Variants in DNAH8 observed in about 807,000 individuals in gnomAD.
The protein encoded by DNAH8 is axonemal beta dynein heavy chain 8.
DNAH8 carries 382 observed loss-of-function variants against 562.1 expected under a neutral mutation model. That is an observed-to-expected ratio of 0.68 (90% CI 0.63 to 0.74). The LOEUF (loss-of-function observed/expected upper bound fraction) is 0.74, where lower values mean the gene tolerates loss of function less well. Among genes scored for constraint, DNAH8 ranks in the 30% least tolerant of loss-of-function variants. DNAH8 has a pLI of 0.00. For synonymous variants in DNAH8, 1,881 were observed against 1,919.4 expected (o/e 0.98, Z 0.52); for missense variants, 5,203 against 5,620.4 (o/e 0.93, Z 2.37).
In DNAH8 at chr6:38,860,560, T is replaced by C. The variant is rs767132184; in HGVS notation, c.6062T>C (p.Val2021Ala). 4.5e-6 allele frequency: 7 copies of C among 1,540,486 alleles called. No homozygotes were observed. The highest frequency in any genetic ancestry group is 6.1e-6 in the Non-Finnish European group (7 of 1,152,464). The change falls in exon 43 of 93, where the codon GTT becomes GCT. Residue 2021 changes from valine (V) to alanine (A), a missense_variant. Coordinates refer to ENST00000327475, the MANE Select transcript of DNAH8 (RefSeq NM_001206927.2). ...CAAACTGTGGTGTCTATTACAGATGTTGATTTTATTTACCAAAATGAATTT... is the reference window on the plus strand; with the variant it reads ...CAAACTGTGGTGTCTATTACAGATGCTGATTTTATTTACCAAAATGAATTT... Reference protein sequence around the residue: ...LDQTVVSITDVDFIYQNEFLG... With the variant: ...LDQTVVSITDADFIYQNEFLG...
At chr6:38,860,419 A>G in intron 42 of DNAH8, 38 bp from the exon 43 acceptor site, 1 of 1,225,656 alleles carries the variant, frequency 8.2e-7, no homozygotes, top group Non-Finnish European at 1.1e-6. Flanking sequence ...TGCTATTGCA[A>G]TTCAGTATAT....
intron 26 of DNAH8, among the ~76,000 whole-genome samples, chr6:38,818,790 G>C (rs1772549146): frequency 6.6e-6 from 1 of 152,208 alleles, no homozygotes; most frequent in African/African-American, 2.4e-5. Flanking sequence ...CTGTATTCTT[G>C]TCTGGACTTT....
chr6:38,921,248 G>T (rs75557326), intron 70 of DNAH8, 121 bp from the exon 71 acceptor site: 1 of 1,172,824 alleles, frequency 8.5e-7, no homozygotes, highest in Non-Finnish European at 1.2e-6. Context: ...CTGAAGACAC[G>T]GAAACAGATG....
At chr6:38,777,028 A>G (rs993187005) in intron 13 of DNAH8, among the ~76,000 whole-genome samples, 1 of 152,226 alleles carries the variant, frequency 6.6e-6, no homozygotes, top group Non-Finnish European at 1.5e-5. Flanking sequence ...TTTAAAAACT[A>G]CATTACACGT....
chr6:39,009,419 C>T (rs1219893100), intron 89 of DNAH8, among the ~76,000 whole-genome samples: 2 of 152,106 alleles, frequency 1.3e-5, no homozygotes, highest in Non-Finnish European at 2.9e-5. Context: ...CCATCTATTC[C>T]ATTGATTTTT....
At position 38,837,921 on chromosome 6, in the gene DNAH8, AT is replaced by A. The variant is rs1338907712; in HGVS notation, c.4366-18del. On this transcript the variant is annotated intron_variant, in intron 32 of 92. Coordinates refer to ENST00000327475, the MANE Select transcript of DNAH8 (RefSeq NM_001206927.2). ...ACTGAATTAATTGTATTTTAGTACA[AT>A]TTAAAAACCTTTGTTACAGGCCAGT... The A allele has an allele frequency of 1.3e-6, 2 of 1,538,526 alleles. No homozygotes were observed. Among genetic ancestry groups the A allele is most frequent in the African/African-American group, 2.7e-5 (2 of 72,990 alleles).
rs562281157 is a variant in DNAH8, at chr6:39,023,440, C to T, written c.13715-3106C>T. ...CCCGGGAGGTGGAGCTTGCAGTGAGCGGAGATCACGCCATTGCACTCCAGC... is the reference window on the plus strand; with the variant it reads ...CCCGGGAGGTGGAGCTTGCAGTGAGTGGAGATCACGCCATTGCACTCCAGC... On this transcript the variant is annotated intron_variant, in intron 91 of 92. Transcript: ENST00000327475. Among the ~76,000 whole-genome samples, 9 of 152,232 alleles carry T rather than the reference C, an allele frequency of 5.9e-5. No homozygotes were observed. In the East Asian group the frequency reaches 1.3e-3, roughly 23 times the overall value.
At chr6:38,723,603 A>C in intron 3 of DNAH8, 132 bp downstream of exon 3, 2 of 1,189,576 alleles carry the variant, frequency 1.7e-6, no homozygotes, top group Admixed American at 2.4e-5. Flanking sequence ...GGCAGGGCAC[A>C]GTGGCTCATG....
chr6:38,881,980 G>A (rs571446030), intron 53 of DNAH8, among the ~76,000 whole-genome samples: 30 of 152,114 alleles, frequency 2.0e-4, no homozygotes, highest in African/African-American at 5.8e-4. Context: ...TTTTACCACC[G>A]GCTGATTTTA....
chr6:38,971,402 C>T (rs147646097), intron 82 of DNAH8, among the ~76,000 whole-genome samples, 190 bp from the exon 83 acceptor site: 2 of 152,222 alleles, frequency 1.3e-5, no homozygotes, highest in East Asian at 3.9e-4. Flanking sequence ...CGGGTGGTGC[C>T]TCCAGGTCTC....
At chr6:38,840,085 A>C (rs1474664592) in intron 33 of DNAH8, among the ~76,000 whole-genome samples, 1 of 152,228 alleles carries the variant, frequency 6.6e-6, no homozygotes, top group African/African-American at 2.4e-5. Context: ...GAATGAGACT[A>C]ACTCCTCATC....
chr6:38,921,937 T>G (rs1781736571), intron 71 of DNAH8, among the ~76,000 whole-genome samples: 1 of 152,000 alleles, frequency 6.6e-6, no homozygotes, highest in South Asian at 2.1e-4. Context: ...GGAGTTGTTC[T>G]CTGGCGGGCA....
At chr6:38,884,598 C>T (rs79522479) in intron 56 of DNAH8, among the ~76,000 whole-genome samples, 1,607 of 152,178 alleles carry the variant, frequency 0.011, 26 homozygotes, top group African/African-American at 0.036. Context: ...CTGTCTCCTA[C>T]GTGGTTTTCT....
intron 14 of DNAH8, among the ~76,000 whole-genome samples, chr6:38,778,859 T>C (rs1768310062): frequency 6.6e-6 from 1 of 152,200 alleles, no homozygotes; most frequent in African/African-American, 2.4e-5. Context: ...CTTTCCATTT[T>C]CCCTCCTGAG....
At chr6:38,743,374 T>A (rs1764677403) in intron 8 of DNAH8, among the ~76,000 whole-genome samples, 1 of 152,192 alleles carries the variant, frequency 6.6e-6, no homozygotes, top group Admixed American at 6.5e-5. Context: ...TCCCCTTTCT[T>A]TTTTTGCAAG....
intron 43 of DNAH8, among the ~76,000 whole-genome samples, chr6:38,861,994 A>G (rs1173045626): frequency 2.0e-5 from 3 of 147,762 alleles, no homozygotes; most frequent in African/African-American, 5.0e-5. Context: ...AACATTTGCC[A>G]GCACAATACT....
chr6:38,825,012 T>C (rs1313150146), intron 28 of DNAH8, among the ~76,000 whole-genome samples: 3 of 152,192 alleles, frequency 2.0e-5, no homozygotes, highest in African/African-American at 7.2e-5. Flanking sequence ...TGGTTAGCAC[T>C]ATGATCCACA....
intron 8 of DNAH8, among the ~76,000 whole-genome samples, chr6:38,742,759 G>A (rs1000425960): frequency 6.6e-6 from 1 of 151,606 alleles, no homozygotes; most frequent in Admixed American, 6.6e-5. Context: ...TGAATAGTAA[G>A]CACAGAAAGA....
intron 82 of DNAH8, among the ~76,000 whole-genome samples, chr6:38,951,976 T>C (rs972039094): frequency 1.4e-4 from 21 of 152,332 alleles, no homozygotes; most frequent in African/African-American, 5.1e-4. Context: ...GTACAGGCAG[T>C]GTGCTAGATC....
Sources: allele counts gnomAD v4.1 joint callset (sites outside exome capture counted in the v4.1 genomes callset), GRCh38; gene constraint gnomAD v4.1.1; transcripts MANE v1.5; gene names NCBI Gene and HGNC (gene_info 2026-07-23, HGNC 2026-07-21).